FAM81A: variants seen among roughly 807,000 people sequenced by gnomAD.
FAM81A encodes the protein protein FAM81A.
A neutral mutation model predicts 46.7 loss-of-function variants in FAM81A; 19 were observed. The ratio of observed to expected loss-of-function variants is 0.41; its 90% CI spans 0.28 to 0.60. The LOEUF (loss-of-function observed/expected upper bound fraction) is 0.60, where lower values mean the gene tolerates loss of function less well. Among genes scored for constraint, FAM81A ranks in the 20% least tolerant of loss-of-function variants. The pLI is 0.34. For synonymous variants in FAM81A, 183 were observed against 152.9 expected (o/e 1.20, Z -1.45); for missense variants, 377 against 453.5 (o/e 0.83, Z 1.53).
intron 2 of FAM81A, among the ~76,000 whole-genome samples, chr15:59,413,102 T>A (rs550565144): frequency 6.6e-6 from 1 of 152,050 alleles, no homozygotes; most frequent in East Asian, 1.9e-4. Context: ...GCCACTCAGG[T>A]GAAGCCCCAG....
chr15:59,403,986 C>T (rs570781312), intron 2 of FAM81A, among the ~76,000 whole-genome samples: 5 of 151,252 alleles, frequency 3.3e-5, no homozygotes, highest in African/African-American at 1.2e-4. Flanking sequence ...TGGGTTCAAG[C>T]GATTCTCCTG....
chr15:59,483,152 C>T (rs2081875169), intron 3 of FAM81A, among the ~76,000 whole-genome samples: 1 of 152,092 alleles, frequency 6.6e-6, no homozygotes, highest in South Asian at 2.1e-4. Context: ...ATTCTTCTGC[C>T]TCAGCCTCCT....
intron 4 of FAM81A, among the ~76,000 whole-genome samples, chr15:59,497,513 A>T (rs2082046936): frequency 6.6e-6 from 1 of 152,036 alleles, no homozygotes; most frequent in Admixed American, 6.6e-5. Flanking sequence ...ATTGATAGGG[A>T]CTGTGTTGAA....
chr15:59,403,575 G>A (rs994849979), intron 2 of FAM81A, among the ~76,000 whole-genome samples: 5 of 152,162 alleles, frequency 3.3e-5, no homozygotes, highest in Admixed American at 1.3e-4. Flanking sequence ...TATGGCAGCC[G>A]AAGCAGATGA....
chr15:59,402,682 A>T (rs1466857556), intron 2 of FAM81A, among the ~76,000 whole-genome samples: 1 of 146,526 alleles, frequency 6.8e-6, no homozygotes, highest in African/African-American at 2.5e-5. Flanking sequence ...CTGGGATTAC[A>T]AGCATGTCCC....
chr15:59,516,861 C>G, intron 8 of FAM81A, 21 bp downstream of exon 8: 1 of 1,556,484 alleles, frequency 6.4e-7, no homozygotes, highest in Non-Finnish European at 8.6e-7. Flanking sequence ...ACCAGAACAG[C>G]TCACGTGCTT....
chr15:59,495,067 T>G (rs1372054716), intron 4 of FAM81A, among the ~76,000 whole-genome samples: 1 of 152,240 alleles, frequency 6.6e-6, no homozygotes, highest in Non-Finnish European at 1.5e-5. Flanking sequence ...AGTCACCTAC[T>G]TAAAGCACAC....
intron 3 of FAM81A, among the ~76,000 whole-genome samples, chr15:59,462,260 C>G (rs1402129954): frequency 6.6e-6 from 1 of 150,614 alleles, no homozygotes; most frequent in Non-Finnish European, 1.5e-5. Flanking sequence ...TAACATTTTA[C>G]AATCCCACAA....
intron 6 of FAM81A, 79 bp downstream of exon 6, chr15:59,509,048 G>C: frequency 5.4e-6 from 6 of 1,110,790 alleles, no homozygotes; most frequent in Non-Finnish European, 7.5e-6. Context: ...TTTTCCTCTT[G>C]GTTTTTATTT....
chr15:59,508,545 C>A (rs918635864), intron 5 of FAM81A, among the ~76,000 whole-genome samples: 3 of 152,002 alleles, frequency 2.0e-5, no homozygotes, highest in Non-Finnish European at 4.4e-5. Context: ...GGTAGAAATT[C>A]CAAGGTAAGG....
chr15:59,503,441 T>C (rs2082116325), intron 4 of FAM81A, among the ~76,000 whole-genome samples: 1 of 152,170 alleles, frequency 6.6e-6, no homozygotes, highest in South Asian at 2.1e-4. Flanking sequence ...CAAAGTATTA[T>C]ATATACTATT....
At chr15:59,446,549 C>G (rs757335086) in intron 1 of FAM81A, 16 of 152,242 alleles carry the variant, frequency 1.1e-4, no homozygotes, top group Non-Finnish European at 1.8e-4. Context: ...ACCCCTCACC[C>G]TTCTACCTCC....
chr15:59,494,275 C>T (rs879543886), intron 4 of FAM81A, among the ~76,000 whole-genome samples: 6 of 152,134 alleles, frequency 3.9e-5, no homozygotes, highest in East Asian at 3.8e-4. Context: ...GAAGAACTTG[C>T]GAGCTATAGG....
At chr15:59,443,363 T>C (rs1186273384) in intron 1 of FAM81A, among the ~76,000 whole-genome samples, 1 of 152,212 alleles carries the variant, frequency 6.6e-6, no homozygotes, top group Non-Finnish European at 1.5e-5. Flanking sequence ...ATTATGGGTA[T>C]GAGCCACTGC....
At chr15:59,512,471 C>CAAAAAAAA (rs766904849) in intron 6 of FAM81A, among the ~76,000 whole-genome samples, 2 of 13,666 alleles carry the variant, frequency 1.5e-4, no homozygotes, top group Non-Finnish European at 1.9e-4. Context: ...AACTCCATCT[C>CAAAAAAAA]AAAAAAAAAA....
intron 2 of FAM81A, among the ~76,000 whole-genome samples, chr15:59,424,147 C>T (rs1235570506): frequency 1.3e-5 from 2 of 152,220 alleles, no homozygotes; most frequent in Non-Finnish European, 2.9e-5. Context: ...TCATCACTCA[C>T]TTTTTGGGCT....
chr15:59,492,004 C>T (rs947610923), intron 3 of FAM81A, among the ~76,000 whole-genome samples: 2 of 151,938 alleles, frequency 1.3e-5, no homozygotes, highest in African/African-American at 2.4e-5. Flanking sequence ...AAGAAAGTGG[C>T]TTCATTACTA....
chr15:59,478,122 G>C (rs776568853), intron 3 of FAM81A, among the ~76,000 whole-genome samples: 3 of 152,126 alleles, frequency 2.0e-5, no homozygotes, highest in Non-Finnish European at 4.4e-5. Context: ...GATGGCTGGG[G>C]GTAGTAGTTT....
intron 1 of FAM81A, chr15:59,401,883 T>G (rs1201313450): frequency 1.3e-6 from 1 of 762,638 alleles, no homozygotes; most frequent in African/African-American, 1.7e-5. Context: ...ACCAATCATT[T>G]TCTTTGCCTT....
Sources: gnomAD v4.1 joint callset for allele counts (sites outside exome capture counted in the v4.1 genomes callset) on GRCh38, gnomAD v4.1.1 for gene constraint, MANE v1.5 for transcripts, NCBI Gene and HGNC (gene_info 2026-07-23, HGNC 2026-07-21) for gene names.